PAX5: variants seen among roughly 807,000 people sequenced by gnomAD.
PAX5 encodes paired box 5, also known as paired box protein Pax-5.
Under a neutral mutation model 43.7 loss-of-function variants are expected in PAX5, and 9 were observed. That is an observed-to-expected ratio of 0.21 (90% CI 0.12 to 0.36). PAX5 has a LOEUF of 0.36. Among genes scored for constraint, PAX5 ranks in the 10% least tolerant of loss-of-function variants. PAX5 has a pLI of 1.00. For synonymous variants in PAX5, 228 were observed against 214.3 expected, an observed-to-expected ratio of 1.06 and a Z score of -0.56; for missense variants, 383 against 532.7, an observed-to-expected ratio of 0.72 and a Z score of 2.77.
chr9:36,987,772 A>G (rs746262551), intron 5 of PAX5, among the ~76,000 whole-genome samples: 2 of 152,346 alleles, frequency 1.3e-5, no homozygotes, highest in African/African-American at 2.4e-5. Flanking sequence ...TGGAGGAACC[A>G]TAAATTAGGC....
chr9:36,956,806 A>G (rs1304048030), intron 6 of PAX5, among the ~76,000 whole-genome samples: 2 of 152,214 alleles, frequency 1.3e-5, no homozygotes, highest in Non-Finnish European at 1.5e-5. Flanking sequence ...GATGATGACA[A>G]TAGAATAAAT....
At chr9:36,980,283 G>A (rs542959143) in intron 5 of PAX5, among the ~76,000 whole-genome samples, 4 of 152,324 alleles carry the variant, frequency 2.6e-5, no homozygotes, top group Admixed American at 2.0e-4. Flanking sequence ...AATAAGCTTT[G>A]CATCTGCTCA....
intron 6 of PAX5, among the ~76,000 whole-genome samples, chr9:36,952,003 ATAT>A (rs1366998872): frequency 6.6e-6 from 1 of 152,148 alleles, no homozygotes; most frequent in African/African-American, 2.4e-5. Flanking sequence ...CCAATCTTAC[ATAT>A]TATTATTGCC....
At chr9:36,962,489 G>C (rs926345147) in intron 6 of PAX5, among the ~76,000 whole-genome samples, 1 of 152,196 alleles carries the variant, frequency 6.6e-6, no homozygotes, top group Non-Finnish European at 1.5e-5. Flanking sequence ...CATTTGCCTC[G>C]GGGGTCCAAT....
At chr9:36,888,574 T>G (rs994765620) in intron 7 of PAX5, among the ~76,000 whole-genome samples, 2 of 152,112 alleles carry the variant, frequency 1.3e-5, no homozygotes, top group Non-Finnish European at 2.9e-5. Context: ...GATAGGCAAA[T>G]CTACCGACAA....
intron 8 of PAX5, among the ~76,000 whole-genome samples, chr9:36,877,596 C>G (rs888572761): frequency 6.6e-6 from 1 of 152,192 alleles, no homozygotes; most frequent in African/African-American, 2.4e-5. Context: ...AACATGCCAA[C>G]AGGCCCTCGG....
At chr9:36,981,195 C>T (rs55862706) in intron 5 of PAX5, among the ~76,000 whole-genome samples, 40,724 of 145,356 alleles carry the variant, frequency 0.28, 6,117 homozygotes, top group Middle Eastern at 0.41. Context: ...GCCCCCCCCC[C>T]CTCAGCCCTG....
chr9:37,026,364 C>G (rs1193298652), intron 1 of PAX5, among the ~76,000 whole-genome samples: 1 of 152,258 alleles, frequency 6.6e-6, no homozygotes, highest in Non-Finnish European at 1.5e-5. Context: ...CCCGGGCGGC[C>G]AAGTGCGTTG....
At chr9:36,903,280 G>T (rs186220906) in intron 7 of PAX5, among the ~76,000 whole-genome samples, 1 of 152,170 alleles carries the variant, frequency 6.6e-6, no homozygotes, top group African/African-American at 2.4e-5. Flanking sequence ...ATGTGGTCCC[G>T]GCTACTCAGG....
chr9:37,004,999 C>G (rs2132414847), intron 4 of PAX5, among the ~76,000 whole-genome samples: 1 of 152,336 alleles, frequency 6.6e-6, no homozygotes, highest in South Asian at 2.1e-4. Context: ...TGGGACAGAA[C>G]AAAACATGCT....
intron 6 of PAX5, among the ~76,000 whole-genome samples, chr9:36,949,918 C>A (rs952759863): frequency 6.6e-6 from 1 of 151,934 alleles, no homozygotes; most frequent in Non-Finnish European, 1.5e-5. Context: ...TCCTCGGGAC[C>A]TCCCACCACG....
chr9:37,030,041 C>T (rs899293865), intron 1 of PAX5, among the ~76,000 whole-genome samples: 1 of 152,208 alleles, frequency 6.6e-6, no homozygotes, highest in Non-Finnish European at 1.5e-5. Context: ...TTCGGATACC[C>T]GTGAGGCTTG....
chr9:36,890,631 G>A (rs552448541), intron 7 of PAX5, among the ~76,000 whole-genome samples: 15 of 152,196 alleles, frequency 9.9e-5, no homozygotes, highest in African/African-American at 3.4e-4. Flanking sequence ...TCCATAAGTC[G>A]GTGGCATCAT....
intron 5 of PAX5, among the ~76,000 whole-genome samples, chr9:36,969,551 T>C (rs1267746803): frequency 6.6e-6 from 1 of 152,226 alleles, no homozygotes; most frequent in Non-Finnish European, 1.5e-5. Context: ...ACCCTCCCCC[T>C]GAGGACACCA....
intron 7 of PAX5, among the ~76,000 whole-genome samples, chr9:36,917,231 G>A (rs1295527203): frequency 6.6e-6 from 1 of 152,098 alleles, no homozygotes; most frequent in Non-Finnish European, 1.5e-5. Context: ...TAACAAAGAA[G>A]CCTTCTCCTG....
intron 6 of PAX5, among the ~76,000 whole-genome samples, chr9:36,955,935 C>A (rs546198399): frequency 6.6e-6 from 1 of 152,052 alleles, no homozygotes; most frequent in East Asian, 1.9e-4. Flanking sequence ...AAATAATTTA[C>A]AAAACAATAA....
chr9:37,013,917 T>C (rs1055296995), intron 3 of PAX5, among the ~76,000 whole-genome samples: 2 of 152,236 alleles, frequency 1.3e-5, no homozygotes, highest in African/African-American at 4.8e-5. Context: ...AAGGATCCAC[T>C]ATCAGGACAA....
At chr9:36,990,568 C>G (rs771641960) in intron 5 of PAX5, among the ~76,000 whole-genome samples, 3 of 152,174 alleles carry the variant, frequency 2.0e-5, no homozygotes, top group Non-Finnish European at 4.4e-5. Context: ...GACAAGTCAA[C>G]GACATTGGAG....
intron 3 of PAX5, among the ~76,000 whole-genome samples, chr9:37,012,525 C>G (rs1438736129): frequency 6.6e-6 from 1 of 152,168 alleles, no homozygotes; most frequent in Non-Finnish European, 1.5e-5. Flanking sequence ...CTAGCCATGG[C>G]CCTACAGACA....
Sources: allele counts gnomAD v4.1 joint callset (sites outside exome capture counted in the v4.1 genomes callset), GRCh38; gene constraint gnomAD v4.1.1; transcripts MANE v1.5; gene names NCBI Gene and HGNC (gene_info 2026-07-23, HGNC 2026-07-21).